Variants in RAB31 observed in about 807,000 individuals in gnomAD.
RAB31 encodes RAB31, member RAS oncogene family.
Under a neutral mutation model 25.6 loss-of-function variants are expected in RAB31, and 21 were observed. That is an observed-to-expected ratio of 0.82 (90% confidence interval 0.58 to 1.18). RAB31 has a LOEUF of 1.18. RAB31 is among the 50% of genes most tolerant of loss of function. The probability of loss-of-function intolerance (pLI) is 0.00; values close to 1 mark genes in which losing one functional copy is unlikely to be tolerated. For synonymous variants in RAB31, 87 were observed against 84.0 expected, an observed-to-expected ratio of 1.04 and a Z score of -0.20; for missense variants, 196 against 250.1, an observed-to-expected ratio of 0.78 and a Z score of 1.46.
At chr18:9,812,396 A>T (rs1312671679) in intron 3 of RAB31, among the ~76,000 whole-genome samples, 1 of 152,172 alleles carries the variant, frequency 6.6e-6, no homozygotes, top group Non-Finnish European at 1.5e-5. Context: ...ACTTTTGATT[A>T]TATTACCAAC....
intron 1 of RAB31, among the ~76,000 whole-genome samples, chr18:9,730,160 A>G (rs2145464457): frequency 6.6e-6 from 1 of 152,350 alleles, no homozygotes; most frequent in South Asian, 2.1e-4. Flanking sequence ...AAGTTTAAAA[A>G]CAACTTCTGC....
At chr18:9,818,827 T>C (rs2068611976) in intron 5 of RAB31, among the ~76,000 whole-genome samples, 1 of 152,248 alleles carries the variant, frequency 6.6e-6, no homozygotes, top group Admixed American at 6.5e-5. Flanking sequence ...TTTTTGATCA[T>C]AGGCATCCTA....
chr18:9,765,450 G>T (rs2068311086), intron 1 of RAB31, among the ~76,000 whole-genome samples: 1 of 152,124 alleles, frequency 6.6e-6, no homozygotes, highest in South Asian at 2.1e-4. Context: ...TTATAGAATG[G>T]GTGGTAATAA....
intron 5 of RAB31, among the ~76,000 whole-genome samples, chr18:9,825,267 A>G (rs1001206815): frequency 1.3e-5 from 2 of 152,172 alleles, no homozygotes; most frequent in African/African-American, 4.8e-5. Flanking sequence ...AGCACATGGC[A>G]TGGGGCTAAT....
chr18:9,788,609 T>G (rs916369099), intron 2 of RAB31, among the ~76,000 whole-genome samples: 1 of 152,186 alleles, frequency 6.6e-6, no homozygotes, highest in South Asian at 2.1e-4. Context: ...ACTCACAGAT[T>G]TATTGCTGCA....
chr18:9,781,666 C>G (rs1215870274), intron 2 of RAB31, among the ~76,000 whole-genome samples: 1 of 152,156 alleles, frequency 6.6e-6, no homozygotes, highest in African/African-American at 2.4e-5. Flanking sequence ...TAGGCTCAGC[C>G]CCTCCACCCT....
chr18:9,761,555 C>G lies in RAB31; in HGVS notation c.40-13723C>G, dbSNP rs757517020. ...AGTAGGTCCTCGGGCTGGGGGATCTCTTACAACACTACAACAGGTGTTAGC... is the reference window on the plus strand; with the variant it reads ...AGTAGGTCCTCGGGCTGGGGGATCTGTTACAACACTACAACAGGTGTTAGC... On this transcript the variant is annotated intron_variant, in intron 1 of 6. Coordinates refer to ENST00000578921, the MANE Select transcript of RAB31 (RefSeq NM_006868.4). 4.5e-4 allele frequency among the ~76,000 whole-genome samples: 69 copies of G among 152,172 alleles called. 1 individual carries two copies. Among genetic ancestry groups the G allele is most frequent in the Non-Finnish European group, 1.0e-3 (69 of 68,040 alleles).
intron 3 of RAB31, among the ~76,000 whole-genome samples, chr18:9,792,787 C>T (rs753220165): frequency 1.7e-4 from 26 of 152,264 alleles, no homozygotes; most frequent in Middle Eastern, 6.8e-3. Context: ...ACACTGACCC[C>T]TAGAGGCAAG....
intron 3 of RAB31, among the ~76,000 whole-genome samples, chr18:9,793,272 C>G (rs1260123003): frequency 6.6e-6 from 1 of 151,798 alleles, no homozygotes; most frequent in Admixed American, 6.6e-5. Flanking sequence ...AGCCTGGGGT[C>G]TCGCTATGTT....
At chr18:9,754,625 A>G (rs2068251776) in intron 1 of RAB31, among the ~76,000 whole-genome samples, 1 of 152,186 alleles carries the variant, frequency 6.6e-6, no homozygotes, top group Non-Finnish European at 1.5e-5. Flanking sequence ...TGGCATAACA[A>G]CTATTTACAT....
intron 5 of RAB31, among the ~76,000 whole-genome samples, chr18:9,816,590 C>T (rs144967743): frequency 2.2e-4 from 33 of 152,238 alleles, no homozygotes; most frequent in African/African-American, 5.5e-4. Context: ...AATCAGAATA[C>T]GACACATTGT....
intron 1 of RAB31, among the ~76,000 whole-genome samples, chr18:9,754,801 C>T (rs1377861010): frequency 1.3e-5 from 2 of 152,224 alleles, no homozygotes; most frequent in East Asian, 3.9e-4. Flanking sequence ...CCCCAGGATA[C>T]CGAGGGACAA....
intron 1 of RAB31, among the ~76,000 whole-genome samples, chr18:9,739,442 A>T (rs111809801): frequency 6.6e-6 from 1 of 152,194 alleles, no homozygotes; most frequent in African/African-American, 2.4e-5. Context: ...ACTGCACTCC[A>T]GTCTTGGCAA....
chr18:9,833,258 C>T (rs1291559953), intron 5 of RAB31, among the ~76,000 whole-genome samples: 2 of 152,222 alleles, frequency 1.3e-5, no homozygotes, highest in East Asian at 3.8e-4. Context: ...CAGGCAGAAG[C>T]CAGCTGATTT....
intron 6 of RAB31, among the ~76,000 whole-genome samples, chr18:9,857,057 T>C (rs2068819768): frequency 2.0e-5 from 3 of 152,184 alleles, no homozygotes; most frequent in Non-Finnish European, 4.4e-5. Flanking sequence ...CCTCCTGGAT[T>C]GGGACTGAAG....
rs542528420 is a variant in RAB31 at position 9,824,698 on chromosome 18, G to A, written c.380+9476G>A. ...GTTCCAGAAGATGGTATAAAGGTCC[G>A]CCCCACTCCCAGAGTGGAAGGCATT... On this transcript the variant is annotated intron_variant, in intron 5 of 6. Coordinates refer to ENST00000578921, the MANE Select transcript of RAB31 (RefSeq NM_006868.4). 2.6e-5 allele frequency among the ~76,000 whole-genome samples: 4 copies of A among 152,252 alleles called. 1 individual carries two copies. The highest frequency in any genetic ancestry group is 2.0e-4 in the Admixed American group (3 of 15,298).
chr18:9,850,242 T>TATA (rs2068782416), intron 6 of RAB31, among the ~76,000 whole-genome samples: 2 of 152,266 alleles, frequency 1.3e-5, no homozygotes, highest in South Asian at 4.1e-4. Flanking sequence ...GAGCCTAGCA[T>TATA]ATAGGATTCT....
intron 1 of RAB31, among the ~76,000 whole-genome samples, chr18:9,754,429 G>T (rs1434075904): frequency 1.3e-5 from 2 of 151,950 alleles, no homozygotes; most frequent in Non-Finnish European, 2.9e-5. Flanking sequence ...ACAGGTGCCC[G>T]CCACCACACC....
chr18:9,710,283 G>A (rs998697318), intron 1 of RAB31, among the ~76,000 whole-genome samples: 1 of 152,140 alleles, frequency 6.6e-6, no homozygotes, highest in Non-Finnish European at 1.5e-5. Flanking sequence ...CCCCCTTTAG[G>A]CAGAGGACTA....
Sources: allele counts gnomAD v4.1 joint callset (sites outside exome capture counted in the v4.1 genomes callset), GRCh38; gene constraint gnomAD v4.1.1; transcripts MANE v1.5; gene names NCBI Gene and HGNC (gene_info 2026-07-23, HGNC 2026-07-21).